Variants in AFTPH observed in about 807,000 individuals in gnomAD.
The protein encoded by AFTPH is aftiphilin protein.
In AFTPH, 7 loss-of-function variants were observed where a neutral mutation model predicts 72.5. The ratio of observed to expected loss-of-function variants is 0.10; its 90% CI spans 0.05 to 0.18. The LOEUF is 0.18. AFTPH is among the 10% of genes least tolerant of loss of function. The pLI is 1.00. For missense variants in AFTPH, 979 were observed against 1,060.5 expected (o/e 0.92, Z 1.07); for synonymous variants, 337 against 370.1 (o/e 0.91, Z 1.03).
At chr2:64,535,843 G>A (rs368831513) in intron 1 of AFTPH, among the ~76,000 whole-genome samples, 1 of 152,206 alleles carries the variant, frequency 6.6e-6, no homozygotes, top group African/African-American at 2.4e-5. Context: ...AACAAAGAGG[G>A]AGTATCTTAG....
chr2:64,549,498 T>C (rs1042279143), intron 1 of AFTPH, among the ~76,000 whole-genome samples: 1 of 149,216 alleles, frequency 6.7e-6, no homozygotes, highest in African/African-American at 2.4e-5. Context: ...TTTTTTTATT[T>C]TTAGTAGAGG....
chr2:64,538,209 G>A (rs953618330), intron 1 of AFTPH, among the ~76,000 whole-genome samples: 17 of 151,890 alleles, frequency 1.1e-4, no homozygotes, highest in Non-Finnish European at 2.5e-4. Context: ...TTATATGACG[G>A]GCCAATTCTC....
exon 9 of AFTPH, chr2:64,592,464 T>C (rs1673884242): frequency 6.5e-6 from 1 of 152,902 alleles, no homozygotes; most frequent in African/African-American, 2.4e-5. Flanking sequence ...TTTGCTATCA[T>C]AAATAAGCTC....
At chr2:64,565,368 G>A (rs990595932) in intron 2 of AFTPH, among the ~76,000 whole-genome samples, 7 of 151,254 alleles carry the variant, frequency 4.6e-5, no homozygotes, top group Admixed American at 2.0e-4. Flanking sequence ...CCAGCTACTC[G>A]GGAGGCTGAG....
chr2:64,552,646 C>T, exon 2 of AFTPH: 1 of 1,614,174 alleles, frequency 6.2e-7, no homozygotes, highest in East Asian at 2.2e-5. Context: ...AGAAAGTTTA[C>T]TAATTTCCAA....
intron 1 of AFTPH, among the ~76,000 whole-genome samples, chr2:64,537,000 G>C (rs1389249207): frequency 1.4e-5 from 2 of 144,976 alleles, no homozygotes; most frequent in Non-Finnish European, 3.0e-5. Context: ...ATGCTTTTCA[G>C]AAATGCTTTT....
In AFTPH at chr2:64,552,148, C is replaced by A; in HGVS notation, c.674C>A (p.Pro225His). The A allele has an allele frequency of 6.2e-7, 1 of 1,614,064 alleles. No individual in the cohort carries two copies. The highest frequency in any genetic ancestry group is 8.5e-7 in the Non-Finnish European group (1 of 1,179,982). The change falls in exon 2 of 9, where the codon CCT becomes CAT. Residue 225 changes from proline to histidine, a missense_variant. Pro to His is a moderately conservative substitution (Grantham distance 77, BLOSUM62 -2). This residue lies in a region of AFTPH where 498 missense variants were observed against 467.6 expected (regional missense o/e 1.06). Coordinates refer to ENST00000238856, the Ensembl canonical transcript of AFTPH. ...ACTGAGTATAATTTAGACTCTGTAC[C>A]TAGTCCTGCTGAGGAATTTGCAGAT...
chr2:64,553,137 T>G, exon 2 of AFTPH: 4 of 1,614,206 alleles, frequency 2.5e-6, no homozygotes, highest in Non-Finnish European at 3.4e-6. Flanking sequence ...TTTTCAAGAC[T>G]CTGATGATTT....
At chr2:64,548,414 A>AAG in intron 1 of AFTPH, among the ~76,000 whole-genome samples, 1 of 148,294 alleles carries the variant, frequency 6.7e-6, no homozygotes, top group South Asian at 2.2e-4. Context: ...AAAGAAAAAA[A>AAG]AAAAAAAAAA....
At chr2:64,588,498 C>T (rs1350789295) in intron 8 of AFTPH, among the ~76,000 whole-genome samples, 1 of 152,172 alleles carries the variant, frequency 6.6e-6, no homozygotes, top group Non-Finnish European at 1.5e-5. Flanking sequence ...TGGGGAACTG[C>T]CAAACTTTTC....
At chr2:64,552,254 C>T in exon 2 of AFTPH, 1 of 1,613,892 alleles carries the variant, frequency 6.2e-7, no homozygotes, top group Non-Finnish European at 8.5e-7. Context: ...AAGCACTAAC[C>T]ATTCGGGAAA....
chr2:64,582,396 G>T (rs953850119), intron 7 of AFTPH, among the ~76,000 whole-genome samples: 3 of 152,148 alleles, frequency 2.0e-5, no homozygotes, highest in African/African-American at 7.2e-5. Flanking sequence ...TGATTCTGCT[G>T]CAGGGAAGTT....
chr2:64,560,621 C>A (rs1671665404), intron 2 of AFTPH, among the ~76,000 whole-genome samples: 1 of 152,078 alleles, frequency 6.6e-6, no homozygotes, highest in Non-Finnish European at 1.5e-5. Context: ...GCCTGTAATC[C>A]CAGCACTTTG....
At chr2:64,539,241 ATCCAGAGTGTAGCATTATGC>A in intron 1 of AFTPH, among the ~76,000 whole-genome samples, 1 of 152,212 alleles carries the variant, frequency 6.6e-6, no homozygotes, top group East Asian at 1.9e-4. Context: ...TAGTTGGACT[ATCCAGAGTGTAGCATTATGC>A]TCTGGCGACA....
chr2:64,526,855 A>G (rs1669301774), intron 1 of AFTPH, among the ~76,000 whole-genome samples: 1 of 152,194 alleles, frequency 6.6e-6, no homozygotes, highest in Admixed American at 6.5e-5. Flanking sequence ...CCACACAACA[A>G]CCTGTAAGGC....
At chr2:64,543,115 T>G (rs1670358016) in intron 1 of AFTPH, among the ~76,000 whole-genome samples, 1 of 152,246 alleles carries the variant, frequency 6.6e-6, no homozygotes, top group African/African-American at 2.4e-5. Context: ...AGTGGTATTT[T>G]ATTGTTGTTT....
At chr2:64,559,300 G>A (rs1378289011) in intron 2 of AFTPH, among the ~76,000 whole-genome samples, 1 of 152,126 alleles carries the variant, frequency 6.6e-6, no homozygotes, top group South Asian at 2.1e-4. Flanking sequence ...AGGATGGGGA[G>A]GGGAAGTAGA....
At chr2:64,543,215 A>AT (rs1206734863) in intron 1 of AFTPH, among the ~76,000 whole-genome samples, 1 of 151,880 alleles carries the variant, frequency 6.6e-6, no homozygotes, top group Admixed American at 6.6e-5. Flanking sequence ...TATTTTGGCC[A>AT]TTTTTCTGTT....
At chr2:64,526,760 A>G (rs1159493272) in intron 1 of AFTPH, among the ~76,000 whole-genome samples, 1 of 152,212 alleles carries the variant, frequency 6.6e-6, no homozygotes, top group Non-Finnish European at 1.5e-5. Context: ...CTAACACATG[A>G]GCAGTATATA....
Sources: gnomAD v4.1 joint callset for allele counts (sites outside exome capture counted in the v4.1 genomes callset) on GRCh38, gnomAD v4.1.1 for gene constraint, gnomAD v4.1.1 regional missense constraint, MANE v1.5 for transcripts, NCBI Gene and HGNC (gene_info 2026-07-23, HGNC 2026-07-21) for gene names.